Variants in NDUFA5 observed in about 807,000 individuals in gnomAD.
NDUFA5 encodes the protein NADH:ubiquinone oxidoreductase subunit A5, also known as NADH dehydrogenase [ubiquinone] 1 alpha subcomplex subunit 5.
A neutral mutation model predicts 19.8 loss-of-function variants in NDUFA5; 11 were observed. That is an observed-to-expected ratio of 0.56 (90% CI 0.35 to 0.92). The LOEUF (loss-of-function observed/expected upper bound fraction) is 0.92, where lower values mean the gene tolerates loss of function less well. Ranked by LOEUF, NDUFA5 falls within the 40% of genes least tolerant of loss-of-function variation. The pLI is 0.01. For synonymous variants in NDUFA5, 47 were observed against 46.8 expected (o/e 1.00, Z -0.01); for missense variants, 109 against 134.2 (o/e 0.81, Z 0.93).
upstream of NDUFA5, among the ~76,000 whole-genome samples, chr7:123,560,846 T>C (rs938012092): frequency 6.6e-6 from 1 of 152,084 alleles, no homozygotes; most frequent in Admixed American, 6.5e-5. Flanking sequence ...AGCTGTAATA[T>C]ATGAAATCTG....
At chr7:123,552,026 A>G (rs565010103) in intron 2 of NDUFA5, among the ~76,000 whole-genome samples, 3 of 152,284 alleles carry the variant, frequency 2.0e-5, no homozygotes, top group South Asian at 2.1e-4. Context: ...TTGGACACTT[A>G]TAACAGTGAA....
upstream of NDUFA5, among the ~76,000 whole-genome samples, chr7:123,562,709 G>C (rs1232217147): frequency 6.6e-6 from 1 of 152,032 alleles, no homozygotes; most frequent in Non-Finnish European, 1.5e-5. Context: ...TTAAGGGAAT[G>C]TTGTGGATGG....
chr7:123,580,981 C>T, the NDUFA5 span, among the ~76,000 whole-genome samples: 2 of 147,608 alleles, frequency 1.4e-5, no homozygotes, highest in African/African-American at 5.4e-5. Context: ...GAACAGGAAA[C>T]CAAACCAACA....
chr7:123,592,686 A>T, the NDUFA5 span, among the ~76,000 whole-genome samples: 3 of 152,118 alleles, frequency 2.0e-5, no homozygotes, highest in Admixed American at 2.0e-4. Context: ...ACATTTGCTG[A>T]GGAGTGTTTT....
chr7:123,577,987 C>CACCCATCA, the NDUFA5 span, among the ~76,000 whole-genome samples: 1 of 151,616 alleles, frequency 6.6e-6, no homozygotes, highest in Non-Finnish European at 1.5e-5. Flanking sequence ...TGATTTGCTG[C>CACCCATCA]ACCCATCAAC....
At chr7:123,600,503 T>TA in the NDUFA5 span, among the ~76,000 whole-genome samples, 1 of 152,044 alleles carries the variant, frequency 6.6e-6, no homozygotes, top group Admixed American at 6.6e-5. Context: ...ATATTGTAAG[T>TA]AAAAAAAAGT....
intron 2 of NDUFA5, chr7:123,557,203 A>G: frequency 1.3e-6 from 1 of 773,312 alleles, no homozygotes; most frequent in Non-Finnish European, 2.2e-6. Flanking sequence ...CTGGCTTAAT[A>G]AAGAGGTCAT....
intron 4 of NDUFA5, among the ~76,000 whole-genome samples, chr7:123,544,764 TAAAAA>T (rs61556029): frequency 3.2e-5 from 2 of 61,834 alleles, no homozygotes; most frequent in African/African-American, 6.2e-5. Context: ...ATGCAAATCT[TAAAAA>T]AAAAAAAAAA....
the NDUFA5 span, among the ~76,000 whole-genome samples, chr7:123,590,079 A>G: frequency 1.3e-5 from 2 of 152,080 alleles, no homozygotes; most frequent in Admixed American, 1.3e-4. Context: ...AGTGATGGTG[A>G]GCATTTCTTC....
At chr7:123,584,308 C>CAAA in the NDUFA5 span, among the ~76,000 whole-genome samples, 2 of 99,528 alleles carry the variant, frequency 2.0e-5, no homozygotes, top group African/African-American at 3.9e-5. Context: ...AAGGCCTTGT[C>CAAA]AAAAAAAAAA....
intron 1 of NDUFA5, 42 bp from the exon 2 acceptor site, chr7:123,557,490 T>G: frequency 6.2e-7 from 1 of 1,613,028 alleles, no homozygotes. Context: ...TTACTACGGT[T>G]TCCATACATC....
At chr7:123,597,459 T>C in the NDUFA5 span, among the ~76,000 whole-genome samples, 1 of 152,208 alleles carries the variant, frequency 6.6e-6, no homozygotes, top group Non-Finnish European at 1.5e-5. Context: ...TAAGTATCTA[T>C]GTATAGGAAA....
chr7:123,567,048 A>C, the NDUFA5 span: 2 of 152,186 alleles, frequency 1.3e-5, no homozygotes. Flanking sequence ...ATATTTGCTA[A>C]AGACACCAAA....
chr7:123,594,683 A>G, the NDUFA5 span, among the ~76,000 whole-genome samples: 12 of 152,076 alleles, frequency 7.9e-5, no homozygotes, highest in Non-Finnish European at 1.5e-4. Context: ...ACCTGCCTGT[A>G]TGAGGTGTCT....
the NDUFA5 span, among the ~76,000 whole-genome samples, chr7:123,574,557 A>T: frequency 6.6e-6 from 1 of 152,214 alleles, no homozygotes; most frequent in East Asian, 1.9e-4. Flanking sequence ...AACACTGTTT[A>T]CATGTTAGCA....
At chr7:123,585,167 T>C in the NDUFA5 span, among the ~76,000 whole-genome samples, 1 of 151,724 alleles carries the variant, frequency 6.6e-6, no homozygotes, top group Non-Finnish European at 1.5e-5. Context: ...TATAATTATC[T>C]GAACAAAGAA....
the NDUFA5 span, among the ~76,000 whole-genome samples, chr7:123,600,957 G>A: frequency 1.3e-5 from 2 of 152,114 alleles, no homozygotes; most frequent in African/African-American, 4.8e-5. Flanking sequence ...TCCAATGAGG[G>A]TTTGTAAAAT....
chr7:123,547,415 T>A (rs1203392507), intron 3 of NDUFA5, among the ~76,000 whole-genome samples: 1 of 151,912 alleles, frequency 6.6e-6, no homozygotes, highest in Admixed American at 6.6e-5. Context: ...TTTCTTTTGG[T>A]CTCCCATCAC....
the NDUFA5 span, among the ~76,000 whole-genome samples, chr7:123,585,626 A>T: frequency 6.9e-6 from 1 of 145,008 alleles, no homozygotes; most frequent in South Asian, 2.2e-4. Context: ...CACCTTACAT[A>T]GTTACTATTT....
Sources: gnomAD v4.1 joint callset for allele counts (sites outside exome capture counted in the v4.1 genomes callset) on GRCh38, gnomAD v4.1.1 for gene constraint, MANE v1.5 for transcripts, NCBI Gene and HGNC (gene_info 2026-07-23, HGNC 2026-07-21) for gene names.